The following STK32B variants were observed in gnomAD, a reference collection of about 807,000 sequenced individuals.
The protein encoded by STK32B is serine/threonine kinase 32B, also known as serine/threonine-protein kinase 32B.
Under a neutral mutation model 52.6 loss-of-function variants are expected in STK32B, and 43 were observed. The ratio of observed to expected loss-of-function variants is 0.82; its 90% CI spans 0.64 to 1.05. STK32B has a LOEUF of 1.05. STK32B is among the 50% of genes least tolerant of loss of function. The pLI is 0.00. For synonymous variants in STK32B, 238 were observed against 204.3 expected, an observed-to-expected ratio of 1.17 and a Z score of -1.41; for missense variants, 621 against 534.6, an observed-to-expected ratio of 1.16 and a Z score of -1.59.
At chr4:5,480,500 C>G (rs776048692) in intron 11 of STK32B, among the ~76,000 whole-genome samples, 1 of 151,980 alleles carries the variant, frequency 6.6e-6, no homozygotes. Context: ...TTCTGGTTAA[C>G]AATTAGTTGA....
intron 3 of STK32B, among the ~76,000 whole-genome samples, chr4:5,193,809 G>A (rs559009628): frequency 3.9e-5 from 6 of 152,366 alleles, no homozygotes; most frequent in East Asian, 1.9e-4. Context: ...ACACAAGTGC[G>A]TTTGCGGGAT....
At chr4:5,422,774 G>A (rs1228920234) in intron 6 of STK32B, among the ~76,000 whole-genome samples, 1 of 152,176 alleles carries the variant, frequency 6.6e-6, no homozygotes, top group African/African-American at 2.4e-5. Context: ...GGACGATGGT[G>A]TGGCTATTGG....
intron 1 of STK32B, among the ~76,000 whole-genome samples, chr4:5,108,212 T>C (rs963542577): frequency 2.0e-5 from 3 of 152,242 alleles, no homozygotes; most frequent in African/African-American, 7.2e-5. Flanking sequence ...TTGTAAATTA[T>C]TTTTGCTGCT....
chr4:5,385,303 T>A (rs982450425), intron 4 of STK32B, among the ~76,000 whole-genome samples: 3 of 151,658 alleles, frequency 2.0e-5, no homozygotes, highest in Non-Finnish European at 4.4e-5. Flanking sequence ...TCAGGGCAGG[T>A]GAGGGAAGAA....
chr4:5,220,793 C>T (rs1054972902), intron 3 of STK32B, among the ~76,000 whole-genome samples: 51 of 152,178 alleles, frequency 3.4e-4, no homozygotes, highest in Middle Eastern at 3.4e-3. Context: ...GCAGGGAGGT[C>T]GTGAGATCTC....
the STK32B span, among the ~76,000 whole-genome samples, chr4:5,040,127 C>G: frequency 6.6e-6 from 1 of 152,198 alleles, no homozygotes; most frequent in Non-Finnish European, 1.5e-5. Flanking sequence ...TTGGCTGGAA[C>G]TTAATTCCAT....
At chr4:5,393,115 A>C (rs1736684145) in intron 4 of STK32B, among the ~76,000 whole-genome samples, 1 of 152,190 alleles carries the variant, frequency 6.6e-6, no homozygotes, top group Admixed American at 6.5e-5. Flanking sequence ...AGTCCCATTC[A>C]AGTTGGCTAA....
At chr4:5,206,172 C>T (rs1722564867) in intron 3 of STK32B, among the ~76,000 whole-genome samples, 1 of 152,150 alleles carries the variant, frequency 6.6e-6, no homozygotes, top group Admixed American at 6.5e-5. Context: ...TCTATGTCAT[C>T]ATACCCAGCA....
At chr4:5,383,547 G>A (rs1222505938) in intron 4 of STK32B, among the ~76,000 whole-genome samples, 3 of 152,206 alleles carry the variant, frequency 2.0e-5, no homozygotes, top group East Asian at 1.9e-4. Flanking sequence ...AGCAGAGCAG[G>A]CCTCTCAATC....
intron 3 of STK32B, among the ~76,000 whole-genome samples, chr4:5,330,288 A>G (rs750596381): frequency 1.3e-5 from 2 of 152,214 alleles, no homozygotes; most frequent in Non-Finnish European, 2.9e-5. Flanking sequence ...TAAGTCTACA[A>G]TGAACTTGAC....
intron 5 of STK32B, among the ~76,000 whole-genome samples, chr4:5,402,587 T>C (rs1210045391): frequency 2.6e-5 from 4 of 152,208 alleles, no homozygotes; most frequent in African/African-American, 7.2e-5. Context: ...GAGGAACTCA[T>C]GGTCTGGGGT....
chr4:5,172,514 A>C (rs562763269), intron 3 of STK32B, among the ~76,000 whole-genome samples: 223 of 152,208 alleles, frequency 1.5e-3, no homozygotes, highest in Non-Finnish European at 2.5e-3. Flanking sequence ...AGTTTTTAGC[A>C]TGAAGGGTTG....
chr4:5,051,384 GA>G (rs1741768361), upstream of STK32B: 1 of 165,206 alleles, frequency 6.1e-6, no homozygotes, highest in Non-Finnish European at 1.3e-5. Flanking sequence ...GCCGAGCAGG[GA>G]TTCAGATTCT....
the STK32B span, among the ~76,000 whole-genome samples, chr4:5,025,516 A>C: frequency 1.3e-5 from 2 of 151,840 alleles, no homozygotes; most frequent in African/African-American, 2.4e-5. Flanking sequence ...AAATATCCCT[A>C]CTCCTTTACC....
At chr4:5,133,187 G>A (rs927018305) in intron 1 of STK32B, among the ~76,000 whole-genome samples, 3 of 152,228 alleles carry the variant, frequency 2.0e-5, no homozygotes, top group Admixed American at 1.3e-4. Flanking sequence ...TGTGTGTTTT[G>A]TTCACTGTTG....
chr4:5,337,042 G>A (rs1332290937), intron 4 of STK32B, among the ~76,000 whole-genome samples: 3 of 152,060 alleles, frequency 2.0e-5, no homozygotes, highest in South Asian at 2.1e-4. Flanking sequence ...GCACTGGTAC[G>A]ATCATGGCTC....
chr4:5,269,558 T>G (rs926317899), intron 3 of STK32B, among the ~76,000 whole-genome samples: 3 of 152,202 alleles, frequency 2.0e-5, no homozygotes, highest in African/African-American at 4.8e-5. Flanking sequence ...GACAATTTGT[T>G]AGAATTAGCA....
At chr4:5,132,732 C>T (rs1715853934) in intron 1 of STK32B, among the ~76,000 whole-genome samples, 1 of 151,976 alleles carries the variant, frequency 6.6e-6, no homozygotes, top group Non-Finnish European at 1.5e-5. Flanking sequence ...AGTATATGGC[C>T]ATTTGTTATA....
intron 3 of STK32B, among the ~76,000 whole-genome samples, chr4:5,174,387 T>A (rs1284306095): frequency 6.6e-6 from 1 of 152,240 alleles, no homozygotes; most frequent in Non-Finnish European, 1.5e-5. Context: ...ATGCAGTTTC[T>A]TCCTAGCCTC....
Sources: allele counts gnomAD v4.1 joint callset (sites outside exome capture counted in the v4.1 genomes callset), GRCh38; gene constraint gnomAD v4.1.1; transcripts MANE v1.5; gene names NCBI Gene and HGNC (gene_info 2026-07-23, HGNC 2026-07-21).